The following NPTX1 variants were observed in gnomAD, a reference collection of about 807,000 sequenced individuals.
The protein encoded by NPTX1 is neuronal pentraxin 1.
NPTX1 carries 12 observed loss-of-function variants against 38.7 expected under a neutral mutation model. The ratio of observed to expected loss-of-function variants is 0.31; its 90% CI spans 0.20 to 0.50. NPTX1 has a LOEUF of 0.50. Among genes scored for constraint, NPTX1 ranks in the 20% least tolerant of loss-of-function variants. The probability of loss-of-function intolerance (pLI) is 0.98; values close to 1 mark genes in which losing one functional copy is unlikely to be tolerated. For missense variants in NPTX1, 454 were observed against 592.2 expected, an observed-to-expected ratio of 0.77 and a Z score of 2.42; for synonymous variants, 272 against 264.9, an observed-to-expected ratio of 1.03 and a Z score of -0.26.
At position 80,475,465 on chromosome 17, in the gene NPTX1, G is replaced by GAC; in HGVS notation, c.652+45_652+46insGT. On this transcript the variant is annotated intron_variant, in intron 2 of 4. Transcript: ENST00000306773. This position sits in a 1 kb window ranked among gnomAD's most constrained non-coding sequence, Gnocchi z 6.5. ...GGGATCGGGACCGAGGCAGGGTCGG[G>GAC]CAAGCAGGTGCAGGCAGGCAGCACG... 2 of 1,530,476 alleles carry GAC rather than the reference G, an allele frequency of 1.3e-6. No homozygotes were observed. The highest frequency in any genetic ancestry group is 1.8e-6 in the Non-Finnish European group (2 of 1,119,102). 94.8% of individuals were successfully genotyped at this position (1,530,476 alleles called of 1,614,324 possible). A position where few individuals can be genotyped will look rare whatever the true frequency, so the allele number is the denominator to read the frequency against.
At chr17:80,471,286 C>T (rs1176926704) in intron 4 of NPTX1, among the ~76,000 whole-genome samples, 2 of 152,200 alleles carry the variant, frequency 1.3e-5, no homozygotes, top group African/African-American at 2.4e-5. Flanking sequence ...CTGGACTCTG[C>T]CCCTCCTGCA....
intron 2 of NPTX1, chr17:80,473,745 C>G: frequency 2.3e-6 from 1 of 426,666 alleles, no homozygotes. Flanking sequence ...TGCATCAACA[C>G]TGGGCTGCGT....
chr17:80,471,756 G>A lies in NPTX1; in HGVS notation c.1053C>T (p.Gly351=), dbSNP rs377227227. The change falls in exon 4 of 5, where the codon GGC becomes GGT. Residue 351 remains glycine, a synonymous_variant. Transcript: ENST00000306773. Reference sequence around the variant, plus strand: ...CCTGCTCCTGGCCCAGCACCAGCACGCCCTGGGGCTTGATGGGGTGATAGG... The same window carrying A: ...CCTGCTCCTGGCCCAGCACCAGCACACCCTGGGGCTTGATGGGGTGATAGG... ...LAPYHPIKPQ[G]VLVLGQEQDT... The A allele has an allele frequency of 2.3e-5, 37 of 1,612,730 alleles. No individual in the cohort carries two copies. The highest frequency in any genetic ancestry group is 6.7e-5 in the East Asian group (3 of 44,890).
At chr17:80,473,754 G>C in intron 2 of NPTX1, 1 of 391,608 alleles carries the variant, frequency 2.6e-6, no homozygotes, top group African/African-American at 2.0e-5. Flanking sequence ...ACTGGGCTGC[G>C]TGGTGGGCAT....
rs4890027 is a variant in NPTX1 at position 80,475,457 on chromosome 17, A to G, written c.652+54T>C. On this transcript the variant is annotated intron_variant, in intron 2 of 4. Coordinates refer to ENST00000306773, the MANE Select transcript of NPTX1 (RefSeq NM_002522.4). The surrounding 1 kb of genome is among the most constrained non-coding windows in gnomAD (Gnocchi z 6.5). ...GGCTGTTAGGGATCGGGACCGAGGCAGGGTCGGGCAAGCAGGTGCAGGCAG... is the reference window on the plus strand; with the variant it reads ...GGCTGTTAGGGATCGGGACCGAGGCGGGGTCGGGCAAGCAGGTGCAGGCAG... 57 of 1,452,126 alleles carry G rather than the reference A, an allele frequency of 3.9e-5. No individual in the cohort carries two copies. Among genetic ancestry groups the G allele is most frequent in the South Asian group, 6.1e-5 (5 of 81,502 alleles). 90.0% of individuals were successfully genotyped at this position (1,452,126 alleles called of 1,614,324 possible).
In NPTX1 at chr17:80,475,546, G is replaced by T. The variant is rs1476912304; in HGVS notation, c.617C>A (p.Thr206Asn). The change falls in exon 2 of 5, where the codon ACC becomes AAC. Residue 206 changes from threonine (T) to asparagine (N), a missense_variant. Thr to Asn is a moderately conservative substitution (Grantham distance 65). Transcript: ENST00000306773. The surrounding 1 kb of genome is among the most constrained non-coding windows in gnomAD (Gnocchi z 6.5). ...CTCGCTGATCCGCTGGTGCAGGGAG[G>T]TCAGGGCGGTCTCGATCTTGACCCT... ...EERVKIETAL[T>N]SLHQRISELE... is the part of the protein sequence containing the mutation. 8 of 1,612,650 alleles carry T rather than the reference G, an allele frequency of 5.0e-6. No individual in the cohort carries two copies. The highest frequency in any genetic ancestry group is 6.8e-6 in the Non-Finnish European group (8 of 1,179,894).
chr17:80,475,986 C>T lies in NPTX1; in HGVS notation c.444+17G>A. The T allele has an allele frequency of 6.3e-7, 1 of 1,597,248 alleles. No individual in the cohort carries two copies. ...AGCGAGCCGGAGGGGGAACCGGAGC[C>T]GAGGGCGCGCGCGGACCTCGAGGTT... On this transcript the variant is annotated intron_variant, in intron 1 of 4. Coordinates refer to ENST00000306773, the MANE Select transcript of NPTX1 (RefSeq NM_002522.4). The surrounding 1 kb of genome is among the most constrained non-coding windows in gnomAD (Gnocchi z 6.5).
At position 80,468,227 on chromosome 17, in the gene NPTX1, G is replaced by C. The variant is rs1888094304; in HGVS notation, c.*2586C>G. The stretch of plus-strand genomic sequence containing the variant: ...GGCTTGGCTCAGACCCTAGCAAGGG[G>C]CAGGAGGGAGCTAAAGGTCAGCTTC... On this transcript the variant is annotated 3_prime_UTR_variant, in exon 5 of 5. Coordinates refer to ENST00000306773, the MANE Select transcript of NPTX1 (RefSeq NM_002522.4). The C allele has an allele frequency of 6.5e-6, 1 of 152,856 alleles. No individual in the cohort carries two copies. The allele number at this position is 152,856 out of a possible 1,614,324, so 9.5% of individuals were successfully genotyped here.
In NPTX1 at chr17:80,475,786, G is replaced by A; in HGVS notation, c.445-68C>T. 2 of 1,297,062 alleles carry A rather than the reference G, an allele frequency of 1.5e-6. No homozygotes were observed. Among genetic ancestry groups the A allele is most frequent in the East Asian group, 2.3e-5 (1 of 42,710 alleles). The allele number at this position is 1,297,062 out of a possible 1,614,324, so 80.3% of individuals were successfully genotyped here. On this transcript the variant is annotated intron_variant, in intron 1 of 4. Transcript: ENST00000306773. The surrounding 1 kb of genome is among the most constrained non-coding windows in gnomAD (Gnocchi z 6.5). ...GCGCGGGGACCGTGCTGGAAGGCCCGCGGCGCGGTCCCCTCTGGGCGACTG... is the reference window on the plus strand; with the variant it reads ...GCGCGGGGACCGTGCTGGAAGGCCCACGGCGCGGTCCCCTCTGGGCGACTG...
In NPTX1 at chr17:80,476,241, T is replaced by G; in HGVS notation, c.206A>C (p.Lys69Thr). 2 of 1,570,294 alleles carry G rather than the reference T, an allele frequency of 1.3e-6. No homozygotes were observed. Among genetic ancestry groups the G allele is most frequent in the Non-Finnish European group, 1.7e-6 (2 of 1,165,948 alleles). Residue 69 changes from lysine to threonine, a missense_variant, in exon 1 of 5, where the codon AAG (lysine) becomes ACG (threonine). Lys to Thr is a moderately conservative substitution (Grantham distance 78, BLOSUM62 -1). This residue lies in a region of NPTX1 where 288 missense variants were observed against 318.4 expected (regional missense o/e 0.90). Coordinates refer to ENST00000306773, the MANE Select transcript of NPTX1 (RefSeq NM_002522.4). The surrounding 1 kb of genome is among the most constrained non-coding windows in gnomAD (Gnocchi z 6.3). ...CTCCTTCTGGCTCAGGATGGTCTCCTTCTGCTGCAGCACCGTCTCGCGGAG... is the reference window on the plus strand; with the variant it reads ...CTCCTTCTGGCTCAGGATGGTCTCCGTCTGCTGCAGCACCGTCTCGCGGAG... ...LQLRETVLQQ[K>T]ETILSQKETI...
chr17:80,471,932 C>T (rs535877829), intron 3 of NPTX1, 21 bp from the exon 4 acceptor site: 46 of 1,599,206 alleles, frequency 2.9e-5, no homozygotes, highest in African/African-American at 5.4e-5. Context: ...GAATGACAGA[C>T]GCCAGCTGGT....
At position 80,467,286 on chromosome 17, in the gene NPTX1, C is replaced by T. The variant is rs1051756839; in HGVS notation, c.*3527G>A. The T allele has an allele frequency of 2.0e-5, 3 of 152,468 alleles. No homozygotes were observed. Among genetic ancestry groups the T allele is most frequent in the Admixed American group, 6.6e-5 (1 of 15,264 alleles). The allele number at this position is 152,468 out of a possible 1,614,324, so 9.4% of individuals were successfully genotyped here. Reference sequence around the variant, plus strand: ...TCCCATCGTTAGTTGAATAAATTTACACACTGTGTTTAAGAGATGAAACCA... The same window carrying T: ...TCCCATCGTTAGTTGAATAAATTTATACACTGTGTTTAAGAGATGAAACCA... On this transcript the variant is annotated 3_prime_UTR_variant, in exon 5 of 5. Transcript: ENST00000306773.
intron 4 of NPTX1, 108 bp from the exon 5 acceptor site, chr17:80,471,142 T>C: frequency 2.5e-6 from 2 of 813,944 alleles, no homozygotes; most frequent in Non-Finnish European, 1.9e-6. Flanking sequence ...TCACGGACTC[T>C]CACGGACACT....
At position 80,476,588 on chromosome 17, in the gene NPTX1, G is replaced by T; in HGVS notation, c.-142C>A. The T allele has an allele frequency of 1.1e-5, 3 of 264,372 alleles. No homozygotes were observed. Among genetic ancestry groups the T allele is most frequent in the Non-Finnish European group, 1.8e-5 (3 of 169,596 alleles). The allele number at this position is 264,372 out of a possible 1,614,324, so 16.4% of individuals were successfully genotyped here. A position where few individuals can be genotyped will look rare whatever the true frequency, so the allele number is the denominator to read the frequency against. ...TCGGCCGCGCGGTCCACACCGCCGCGCTATCAGGCCCCCACTGCCGCCTGC... is the reference window on the plus strand; with the variant it reads ...TCGGCCGCGCGGTCCACACCGCCGCTCTATCAGGCCCCCACTGCCGCCTGC... On this transcript the variant is annotated 5_prime_UTR_variant, in exon 1 of 5. Transcript: ENST00000306773. This position sits in a 1 kb window ranked among gnomAD's most constrained non-coding sequence, Gnocchi z 6.3.
chr17:80,472,275 C>T (rs887488197), intron 3 of NPTX1, among the ~76,000 whole-genome samples: 15 of 152,192 alleles, frequency 9.9e-5, no homozygotes, highest in African/African-American at 1.2e-4. Context: ...CTCAAGGCTC[C>T]GTGCGACATC....
In NPTX1 at chr17:80,475,435, T is replaced by A; in HGVS notation, c.652+76A>T. On this transcript the variant is annotated intron_variant, in intron 2 of 4. Transcript: ENST00000306773. This position sits in a 1 kb window ranked among gnomAD's most constrained non-coding sequence, Gnocchi z 6.5. ...AGGCTTGCACAGTGCAGAGCTGGGC[T>A]GTTAGGGATCGGGACCGAGGCAGGG... is the stretch of plus-strand genomic sequence containing the variant. 2 of 1,049,398 alleles carry A rather than the reference T, an allele frequency of 1.9e-6. No individual in the cohort carries two copies. Among genetic ancestry groups the A allele is most frequent in the Non-Finnish European group, 2.7e-6 (2 of 744,404 alleles). The allele number at this position is 1,049,398 out of a possible 1,614,324, so 65.0% of individuals were successfully genotyped here. A position where few individuals can be genotyped will look rare whatever the true frequency, so the allele number is the denominator to read the frequency against.
chr17:80,475,891 C>T lies in NPTX1; in HGVS notation c.444+112G>A. On this transcript the variant is annotated intron_variant, in intron 1 of 4. Coordinates refer to ENST00000306773, the MANE Select transcript of NPTX1 (RefSeq NM_002522.4). The surrounding 1 kb of genome is among the most constrained non-coding windows in gnomAD (Gnocchi z 6.5). Reference sequence around the variant, plus strand: ...CGCGGGGAGGCACCGGCCGGGCACCCGCGCGGCTGAGGCGAGGGCGGGGGA... The same window carrying T: ...CGCGGGGAGGCACCGGCCGGGCACCTGCGCGGCTGAGGCGAGGGCGGGGGA... The T allele has an allele frequency of 2.1e-6, 2 of 960,208 alleles. No homozygotes were observed. Among genetic ancestry groups the T allele is most frequent in the South Asian group, 4.1e-5 (2 of 49,334 alleles). 59.5% of individuals were successfully genotyped at this position (960,208 alleles called of 1,614,324 possible).
At chr17:80,473,605 C>A (rs2083855413) in intron 2 of NPTX1, 161 bp from the exon 3 acceptor site, 1 of 694,104 alleles carries the variant, frequency 1.4e-6, no homozygotes, top group South Asian at 1.7e-5. Flanking sequence ...AAGTACTTTG[C>A]CCCAAGGCAC....
In NPTX1 at chr17:80,470,867, C is replaced by G. The variant is rs201144618; in HGVS notation, c.1245G>C (p.Glu415Asp). Reference sequence around the variant, plus strand: ...TCCACTTGGTGGCCCCTCCGTAGATCTCGATGTGGGATTCAGCCCAGGCGA... The same window carrying G: ...TCCACTTGGTGGCCCCTCCGTAGATGTCGATGTGGGATTCAGCCCAGGCGA... ...NVIAWAESHI[E>D]IYGGATKWTF... is the part of the protein sequence containing the mutation. The change falls in exon 5 of 5, where the codon GAG becomes GAC. Residue 415 changes from glutamate (E) to aspartate (D), a missense_variant. Physicochemically the swap from Glu to Asp is conservative, Grantham distance 45 (BLOSUM62 2). This residue lies in a region of NPTX1 where 50 missense variants were observed against 54.0 expected (regional missense o/e 0.93). Transcript: ENST00000306773. The G allele has an allele frequency of 1.2e-6, 2 of 1,609,616 alleles. No homozygotes were observed. The highest frequency in any genetic ancestry group is 1.7e-6 in the Non-Finnish European group (2 of 1,176,386).
Sources: gnomAD v4.1 joint callset for allele counts (sites outside exome capture counted in the v4.1 genomes callset) on GRCh38, gnomAD v4.1.1 for gene constraint, gnomAD v4.1.1 regional missense constraint, Gnocchi (gnomAD v3.1) non-coding constraint, MANE v1.5 for transcripts, NCBI Gene and HGNC (gene_info 2026-07-23, HGNC 2026-07-21) for gene names.